The following CSMD1 variants were observed in gnomAD, a reference collection of about 807,000 sequenced individuals.
CSMD1 encodes the protein CUB and sushi domain-containing protein 1.
A neutral mutation model predicts 417.5 loss-of-function variants in CSMD1; 213 were observed. The observed-to-expected ratio is 0.51, with a 90% CI of 0.46 to 0.57. The LOEUF is 0.57. Among genes scored for constraint, CSMD1 ranks in the 20% least tolerant of loss-of-function variants. The probability of loss-of-function intolerance (pLI) is 0.00; values close to 1 mark genes in which losing one functional copy is unlikely to be tolerated. For synonymous variants in CSMD1, 2,862 were observed against 1,736.8 expected (o/e 1.65, Z -16.11); for missense variants, 6,923 against 4,529.7 (o/e 1.53, Z -15.17).
At chr8:3,852,023 G>C (rs1006071570) in intron 5 of CSMD1, among the ~76,000 whole-genome samples, 3 of 152,168 alleles carry the variant, frequency 2.0e-5, no homozygotes, top group African/African-American at 7.2e-5. Context: ...GTGAGGACAA[G>C]TTCCCTGGAC....
At chr8:4,679,105 G>C (rs147156803) in intron 1 of CSMD1, among the ~76,000 whole-genome samples, 2 of 152,048 alleles carry the variant, frequency 1.3e-5, no homozygotes, top group African/African-American at 4.8e-5. Flanking sequence ...GGTCATCTGC[G>C]CAAGTTTCTT....
chr8:4,913,690 T>G (rs963392006), intron 1 of CSMD1, among the ~76,000 whole-genome samples: 2 of 152,152 alleles, frequency 1.3e-5, no homozygotes, highest in Non-Finnish European at 2.9e-5. Flanking sequence ...CTTCATGCTT[T>G]TCCTGACTAC....
chr8:4,665,721 C>T (rs1804879189), intron 1 of CSMD1, among the ~76,000 whole-genome samples: 1 of 152,140 alleles, frequency 6.6e-6, no homozygotes, highest in South Asian at 2.1e-4. Flanking sequence ...CTGAGTAGTG[C>T]TCTATGGTAT....
chr8:4,306,339 T>A (rs1421948688), intron 3 of CSMD1, among the ~76,000 whole-genome samples: 1 of 152,230 alleles, frequency 6.6e-6, no homozygotes, highest in African/African-American at 2.4e-5. Context: ...TCACCATTTT[T>A]ACTCCTTTAT....
chr8:3,291,100 T>C lies in CSMD1; in HGVS notation c.3951-6754A>G, dbSNP rs1237856341. On this transcript the variant is annotated intron_variant, in intron 25 of 69. Transcript: ENST00000635120. ...GAGATAATCATGTGGTTTTTGTCGT[T>C]GGTTCTGTTTATATGCTAGATTACA... is the stretch of plus-strand genomic sequence containing the variant. Among the ~76,000 whole-genome samples, 3 of 152,210 alleles carry C rather than the reference T, an allele frequency of 2.0e-5. No individual in the cohort carries two copies. In the East Asian group the frequency reaches 5.8e-4, roughly 29 times the overall value.
chr8:3,402,348 A>T (rs1049120535), intron 15 of CSMD1, among the ~76,000 whole-genome samples: 22 of 152,282 alleles, frequency 1.4e-4, no homozygotes, highest in African/African-American at 4.3e-4. Flanking sequence ...TTGCTAAAAA[A>T]ATCACCCGTT....
chr8:4,228,899 C>T (rs952935159), intron 3 of CSMD1, among the ~76,000 whole-genome samples: 1 of 152,062 alleles, frequency 6.6e-6, no homozygotes, highest in African/African-American at 2.4e-5. Flanking sequence ...CCAGGCTGGT[C>T]TTGAACTCCT....
intron 12 of CSMD1, among the ~76,000 whole-genome samples, chr8:3,419,853 T>C (rs1013339680): frequency 2.0e-5 from 3 of 152,182 alleles, no homozygotes; most frequent in African/African-American, 7.2e-5. Context: ...GGAAGCAGGA[T>C]AGCAAAGTGA....
At chr8:4,739,338 G>A (rs1810451048) in intron 1 of CSMD1, among the ~76,000 whole-genome samples, 1 of 152,072 alleles carries the variant, frequency 6.6e-6, no homozygotes, top group Admixed American at 6.5e-5. Flanking sequence ...ATTTTATGGA[G>A]GAATTTTACC....
At chr8:3,608,996 C>T (rs117136821) in intron 8 of CSMD1, among the ~76,000 whole-genome samples, 6 of 151,992 alleles carry the variant, frequency 3.9e-5, no homozygotes, top group African/African-American at 7.2e-5. Flanking sequence ...TTGTGAAGTC[C>T]GCACACTACA....
intron 3 of CSMD1, among the ~76,000 whole-genome samples, chr8:4,078,151 A>G (rs969940863): frequency 6.6e-6 from 1 of 152,140 alleles, no homozygotes; most frequent in East Asian, 1.9e-4. Context: ...ATCAGCTTAC[A>G]AATTTCCAAT....
intron 1 of CSMD1, among the ~76,000 whole-genome samples, chr8:4,703,235 T>A (rs1048218943): frequency 1.3e-5 from 2 of 152,206 alleles, no homozygotes; most frequent in African/African-American, 4.8e-5. Context: ...AAACCAACGG[T>A]TCTCAACCAT....
intron 5 of CSMD1, among the ~76,000 whole-genome samples, chr8:3,786,508 G>A (rs1235989720): frequency 1.3e-5 from 2 of 152,174 alleles, no homozygotes; most frequent in African/African-American, 2.4e-5. Flanking sequence ...ACCTAGGAGT[G>A]GGTGAGAGCC....
chr8:3,607,780 T>A (rs575799769), intron 8 of CSMD1, among the ~76,000 whole-genome samples: 1 of 152,198 alleles, frequency 6.6e-6, no homozygotes, highest in Non-Finnish European at 1.5e-5. Flanking sequence ...TAACTGGCAA[T>A]ACTCCTTTGT....
At position 2,936,902 on chromosome 8, in the gene CSMD1, G is replaced by A. The variant is rs143233312; in HGVS notation, c.*1683C>T. On this transcript the variant is annotated 3_prime_UTR_variant, in exon 70 of 70. Coordinates refer to ENST00000635120, the MANE Select transcript of CSMD1 (RefSeq NM_033225.6). ...GTGTCAATGTGTTCACTCCGACAACGTGAAGGCCAATTTGAACATTCTGAC... is the reference window on the plus strand; with the variant it reads ...GTGTCAATGTGTTCACTCCGACAACATGAAGGCCAATTTGAACATTCTGAC... 41 of 152,274 alleles carry A rather than the reference G, an allele frequency of 2.7e-4. No homozygotes were observed. The highest frequency in any genetic ancestry group is 8.2e-4 in the African/African-American group (34 of 41,550). 9.4% of individuals were successfully genotyped at this position (152,274 alleles called of 1,614,324 possible). A position where few individuals can be genotyped will look rare whatever the true frequency, so the allele number is the denominator to read the frequency against.
chr8:4,156,230 A>G (rs1386369249), intron 3 of CSMD1, among the ~76,000 whole-genome samples: 1 of 152,154 alleles, frequency 6.6e-6, no homozygotes, highest in Non-Finnish European at 1.5e-5. Context: ...TTGGGGTGGT[A>G]GCAAAATCTT....
Position 3,359,265 on chromosome 8 carries a change from C to T in CSMD1, c.3191G>A (p.Gly1064Glu). 1.9e-6 allele frequency: 3 copies of T among 1,613,816 alleles called. No individual in the cohort carries two copies. The highest frequency in any genetic ancestry group is 2.5e-6 in the Non-Finnish European group (3 of 1,179,808). ...GAAGCAGGAAAACGTCAGAGAGTCT[C>T]CCACACCAAAGTGAAAACCAATTCT... ...SRRIGFHFGVGDSLTFSCFLG... is the reference protein window; with the variant it reads ...SRRIGFHFGVEDSLTFSCFLG... The change falls in exon 21 of 70, where the codon GGA (glycine) becomes GAA (glutamate). Residue 1064 changes from glycine to glutamate, a missense_variant. By Grantham distance (98) the Gly-to-Glu change is moderately conservative (BLOSUM62 -2). Transcript: ENST00000635120.
chr8:3,445,203 C>A (rs145660799), intron 12 of CSMD1, among the ~76,000 whole-genome samples: 1 of 152,164 alleles, frequency 6.6e-6, no homozygotes, highest in Non-Finnish European at 1.5e-5. Flanking sequence ...ATCACCTCAT[C>A]ATGAAGGAAA....
chr8:3,320,321 G>T (rs1027109145), intron 23 of CSMD1, among the ~76,000 whole-genome samples: 1 of 152,048 alleles, frequency 6.6e-6, no homozygotes, highest in African/African-American at 2.4e-5. Flanking sequence ...CCCTGCCCCT[G>T]CCTCGTGCCT....
Sources: allele counts gnomAD v4.1 joint callset (sites outside exome capture counted in the v4.1 genomes callset), GRCh38; gene constraint gnomAD v4.1.1; transcripts MANE v1.5; gene names NCBI Gene and HGNC (gene_info 2026-07-23, HGNC 2026-07-21).